The following CNBD1 variants were observed in gnomAD, a reference collection of about 807,000 sequenced individuals.
The protein encoded by CNBD1 is cyclic nucleotide-binding domain-containing protein 1.
Under a neutral mutation model 54.4 loss-of-function variants are expected in CNBD1, and 71 were observed. The ratio of observed to expected loss-of-function variants is 1.30; its 90% confidence interval spans 1.08 to 1.59. The LOEUF is 1.59. Among genes scored for constraint, CNBD1 ranks in the 40% most tolerant of loss-of-function variants. CNBD1 has a pLI of 0.00. For missense variants in CNBD1, 659 were observed against 518.0 expected (o/e 1.27, Z -2.64); for synonymous variants, 182 against 170.7 (o/e 1.07, Z -0.51).
intron 4 of CNBD1, among the ~76,000 whole-genome samples, chr8:87,025,804 C>T (rs550809756): frequency 5.9e-5 from 9 of 152,246 alleles, no homozygotes; most frequent in East Asian, 5.8e-4. Flanking sequence ...GACACACCAT[C>T]TTTAAGAACT....
chr8:87,352,299 C>A lies in CNBD1; in HGVS notation c.1152+505C>A, dbSNP rs1367509665. ...ATCGAGACCATCCTGGCCAACATGGCAAAACCCTGTCTTTACTAAAAAATA... is the reference window on the plus strand; with the variant it reads ...ATCGAGACCATCCTGGCCAACATGGAAAAACCCTGTCTTTACTAAAAAATA... On this transcript the variant is annotated intron_variant, in intron 9 of 10. Transcript: ENST00000518476. Among the ~76,000 whole-genome samples the A allele has an allele frequency of 4.0e-5, 6 of 151,848 alleles. No individual in the cohort carries two copies. The East Asian group carries it at 1.2e-3, about 29-fold the overall frequency.
rs1442703293 is a variant in CNBD1 at position 87,382,633 on chromosome 8, GA to G, written c.*9del. The G allele has an allele frequency of 6.5e-7, 1 of 1,531,616 alleles. No individual in the cohort carries two copies. Among genetic ancestry groups the G allele is most frequent in the Non-Finnish European group, 8.8e-7 (1 of 1,130,860 alleles). The allele number at this position is 1,531,616 out of a possible 1,614,324, so 94.9% of individuals were successfully genotyped here. On this transcript the variant is annotated 3_prime_UTR_variant, in exon 11 of 11. Coordinates refer to ENST00000518476, the MANE Select transcript of CNBD1 (RefSeq NM_173538.3). ...TGCCTTTTGCAGTGGCCTAGATCTA[GA>G]AACAACCTCAGTGAACATTAATTAA... is the stretch of plus-strand genomic sequence containing the variant.
At chr8:87,424,174 T>G (rs1808000964) in intron 2 of CNBD1, among the ~76,000 whole-genome samples, 2 of 152,158 alleles carry the variant, frequency 1.3e-5, no homozygotes, top group Non-Finnish European at 2.9e-5. Context: ...CCTTTTTTCT[T>G]TATTAGTCTT....
intron 4 of CNBD1, among the ~76,000 whole-genome samples, chr8:86,987,680 A>T (rs1452890513): frequency 6.6e-6 from 1 of 152,140 alleles, no homozygotes; most frequent in Non-Finnish European, 1.5e-5. Flanking sequence ...TGTGCCTTCA[A>T]TTCCTCGTCT....
intron 8 of CNBD1, among the ~76,000 whole-genome samples, chr8:87,344,261 C>G (rs925994625): frequency 2.0e-5 from 3 of 151,624 alleles, no homozygotes; most frequent in Non-Finnish European, 2.9e-5. Flanking sequence ...TTCAGTGGTT[C>G]TATATACAAA....
chr8:87,406,039 C>A (rs898171591), intron 2 of CNBD1, among the ~76,000 whole-genome samples: 1 of 152,032 alleles, frequency 6.6e-6, no homozygotes, highest in African/African-American at 2.4e-5. Context: ...TGAAGCAGAG[C>A]TTGTTCTTAA....
intron 4 of CNBD1, among the ~76,000 whole-genome samples, chr8:87,121,340 A>G (rs535020359): frequency 3.3e-4 from 50 of 151,792 alleles, no homozygotes; most frequent in Non-Finnish European, 6.6e-4. Context: ...ATTAGGAAAT[A>G]AGAGTGTATT....
chr8:87,264,958 C>T (rs139577619), intron 6 of CNBD1, among the ~76,000 whole-genome samples: 41,404 of 151,874 alleles, frequency 0.27, 5,998 homozygotes, highest in African/African-American at 0.36. Context: ...GTTGCCTGTT[C>T]ACTCTGATGG....
intron 5 of CNBD1, among the ~76,000 whole-genome samples, chr8:87,223,440 G>C (rs973390979): frequency 7.0e-6 from 1 of 143,622 alleles, no homozygotes; most frequent in Non-Finnish European, 1.5e-5. Context: ...CCCTTCCTGT[G>C]TCCATGTGAT....
intron 2 of CNBD1, among the ~76,000 whole-genome samples, chr8:87,397,309 T>C (rs190571455): frequency 6.6e-6 from 1 of 152,088 alleles, no homozygotes; most frequent in African/African-American, 2.4e-5. Flanking sequence ...TTGTTCAGAA[T>C]ACCTACTTTC....
chr8:87,397,125 G>T (rs763350630), intron 2 of CNBD1, among the ~76,000 whole-genome samples: 2 of 151,518 alleles, frequency 1.3e-5, no homozygotes, highest in Admixed American at 6.6e-5. Context: ...CTTTGTATTT[G>T]TTAGAGCCAC....
At chr8:87,268,098 C>T (rs1219470646) in intron 6 of CNBD1, among the ~76,000 whole-genome samples, 1 of 152,108 alleles carries the variant, frequency 6.6e-6, no homozygotes, top group Non-Finnish European at 1.5e-5. Flanking sequence ...TTCCAACCCA[C>T]ACCCTCCTCC....
intron 4 of CNBD1, among the ~76,000 whole-genome samples, chr8:86,978,313 A>T (rs897226348): frequency 1.3e-5 from 2 of 152,136 alleles, no homozygotes; most frequent in African/African-American, 4.8e-5. Context: ...CATTGAGAAA[A>T]CAACAACAAT....
intron 3 of CNBD1, among the ~76,000 whole-genome samples, chr8:86,914,270 G>C (rs537353159): frequency 6.6e-6 from 1 of 152,290 alleles, no homozygotes; most frequent in African/African-American, 2.4e-5. Context: ...GGGAAGTGAT[G>C]AATGTCCATG....
chr8:86,978,970 G>C (rs528068400), intron 4 of CNBD1, among the ~76,000 whole-genome samples: 1 of 152,026 alleles, frequency 6.6e-6, no homozygotes, highest in Non-Finnish European at 1.5e-5. Flanking sequence ...AACATTCCAA[G>C]TAATGAGTTA....
At chr8:87,000,033 C>A (rs1398610987) in intron 4 of CNBD1, among the ~76,000 whole-genome samples, 1 of 151,944 alleles carries the variant, frequency 6.6e-6, no homozygotes, top group Non-Finnish European at 1.5e-5. Context: ...ATCAGATATT[C>A]TTTAAGTTCT....
At chr8:87,186,036 C>A (rs1813468455) in intron 4 of CNBD1, among the ~76,000 whole-genome samples, 1 of 152,042 alleles carries the variant, frequency 6.6e-6, no homozygotes, top group African/African-American at 2.4e-5. Context: ...TGTTCAATAT[C>A]TGCAAAACAA....
Position 87,322,251 on chromosome 8 carries a change from C to T in CNBD1, c.1043-29434C>T, listed in dbSNP as rs1415564992. ...CAAGTCTTTGCTATTGTGAATAATG[C>T]CGCAATAAACATACGTGTGCATGTG... is the stretch of plus-strand genomic sequence containing the variant. On this transcript the variant is annotated intron_variant, in intron 8 of 10. Transcript: ENST00000518476. Among the ~76,000 whole-genome samples, 8 of 123,462 alleles carry T rather than the reference C, an allele frequency of 6.5e-5. 1 individual carries two copies. Among genetic ancestry groups the T allele is most frequent in the Non-Finnish European group, 5.4e-5 (3 of 55,442 alleles). 81.0% of individuals were successfully genotyped at this position (123,462 alleles called of 152,430 possible).
chr8:87,324,685 C>T (rs1464190613), intron 8 of CNBD1, among the ~76,000 whole-genome samples: 1 of 151,646 alleles, frequency 6.6e-6, no homozygotes, highest in African/African-American at 2.4e-5. Flanking sequence ...CTATTTGATT[C>T]TTCTCTCTTT....
Sources: allele counts gnomAD v4.1 joint callset (sites outside exome capture counted in the v4.1 genomes callset), GRCh38; gene constraint gnomAD v4.1.1; transcripts MANE v1.5; gene names NCBI Gene and HGNC (gene_info 2026-07-23, HGNC 2026-07-21).